Variants in PRPF3 observed in about 807,000 individuals in gnomAD.
PRPF3 encodes U4/U6 small nuclear ribonucleoprotein Prp3.
Under a neutral mutation model 89.2 loss-of-function variants are expected in PRPF3, and 3 were observed. The ratio of observed to expected loss-of-function variants is 0.03; its 90% CI spans 0.02 to 0.09. The LOEUF (loss-of-function observed/expected upper bound fraction) is 0.09, where lower values mean the gene tolerates loss of function less well. Among genes scored for constraint, PRPF3 ranks in the 10% least tolerant of loss-of-function variants. The pLI is 1.00. For missense variants in PRPF3, 463 were observed against 828.8 expected (o/e 0.56, Z 5.42); for synonymous variants, 270 against 289.1 (o/e 0.93, Z 0.67).
At chr1:150,328,820 T>C (rs587670229) in intron 4 of PRPF3, among the ~76,000 whole-genome samples, 45 of 152,034 alleles carry the variant, frequency 3.0e-4, no homozygotes, top group African/African-American at 1.0e-3. Flanking sequence ...CTCAGAGTGC[T>C]AGAATTACAG....
At chr1:150,334,618 G>T (rs587602114) in intron 6 of PRPF3, among the ~76,000 whole-genome samples, 1 of 151,722 alleles carries the variant, frequency 6.6e-6, no homozygotes, top group African/African-American at 2.4e-5. Context: ...CACCACACCC[G>T]TCCATCCAAA....
At chr1:150,330,190 G>A (rs1428960341) in intron 4 of PRPF3, 1 of 151,808 alleles carries the variant, frequency 6.6e-6, no homozygotes, top group East Asian at 1.9e-4. Context: ...AAGTAGCTGG[G>A]ACTACAGGTC....
intron 8 of PRPF3, among the ~76,000 whole-genome samples, chr1:150,338,803 C>G (rs782428069): frequency 6.6e-6 from 1 of 152,182 alleles, no homozygotes; most frequent in Non-Finnish European, 1.5e-5. Context: ...GCGTGAGCCA[C>G]TGCACCTGGC....
At chr1:150,344,575 C>G (rs782686775) in intron 12 of PRPF3, 28 bp downstream of exon 12, 2 of 1,609,562 alleles carry the variant, frequency 1.2e-6, no homozygotes, top group South Asian at 2.2e-5. Flanking sequence ...GCCAAACTTC[C>G]CCTTAGAATT....
rs782283182 is a variant in PRPF3, at chr1:150,332,782, T to G, written c.507+15T>G. 1 of 1,612,368 alleles carries G rather than the reference T, an allele frequency of 6.2e-7. No homozygotes were observed. Among genetic ancestry groups the G allele is most frequent in the South Asian group, 1.1e-5 (1 of 90,992 alleles). On this transcript the variant is annotated intron_variant, in intron 5 of 15. Transcript: ENST00000324862. ...CTACACCTCAGGTATTGTGTCTAGATTACTCTGAACAGAATAATCTTTGGC... is the reference window on the plus strand; with the variant it reads ...CTACACCTCAGGTATTGTGTCTAGAGTACTCTGAACAGAATAATCTTTGGC...
intron 13 of PRPF3, 106 bp from the exon 14 acceptor site, chr1:150,346,302 G>T (rs1186100361): frequency 2.3e-6 from 3 of 1,310,420 alleles, no homozygotes; most frequent in Non-Finnish European, 3.3e-6. Flanking sequence ...CCTAAGATGT[G>T]GTTCCTGAGA....
At chr1:150,328,269 T>G (rs1486618844) in intron 3 of PRPF3, 51 bp from the exon 4 acceptor site, 18 of 1,603,194 alleles carry the variant, frequency 1.1e-5, no homozygotes, top group Middle Eastern at 1.8e-4. Flanking sequence ...AATTCTTCCC[T>G]TCTCCCCACG....
chr1:150,345,594 C>T (rs1658200138), intron 12 of PRPF3: 2 of 235,682 alleles, frequency 8.5e-6, no homozygotes, highest in South Asian at 1.1e-4. Context: ...CGTGATCTGC[C>T]CACTTTGGCC....
At chr1:150,339,065 T>C (rs1159827963) in intron 8 of PRPF3, among the ~76,000 whole-genome samples, 1 of 152,008 alleles carries the variant, frequency 6.6e-6, no homozygotes, top group African/African-American at 2.4e-5. Flanking sequence ...GGTGAGATAA[T>C]AGTAAATATA....
chr1:150,324,473 T>C (rs1456963121), intron 1 of PRPF3, among the ~76,000 whole-genome samples: 2 of 152,096 alleles, frequency 1.3e-5, no homozygotes, highest in African/African-American at 2.4e-5. Flanking sequence ...TCAAATGAGT[T>C]GGAAAAACTT....
intron 15 of PRPF3, among the ~76,000 whole-genome samples, chr1:150,352,534 G>C (rs997035032): frequency 6.6e-6 from 1 of 152,130 alleles, no homozygotes; most frequent in Admixed American, 6.6e-5. Flanking sequence ...GCGTGGTAGC[G>C]GGCGCCTGTA....
chr1:150,325,129 A>T, intron 2 of PRPF3, 42 bp downstream of exon 2: 2 of 1,601,946 alleles, frequency 1.2e-6, no homozygotes, highest in African/African-American at 2.7e-5. Context: ...ATATAGGGTG[A>T]CCCCAAACAC....
At chr1:150,323,605 A>C (rs11584613) in intron 1 of PRPF3, among the ~76,000 whole-genome samples, 32,172 of 140,328 alleles carry the variant, frequency 0.23, 3,894 homozygotes, top group African/African-American at 0.32. Flanking sequence ...ACTGCACTCC[A>C]GCCTGGGCGA....
At chr1:150,325,921 T>A in intron 3 of PRPF3, 40 bp downstream of exon 3, 1 of 1,606,254 alleles carries the variant, frequency 6.2e-7, no homozygotes, top group African/African-American at 1.3e-5. Flanking sequence ...CAGGACTGTT[T>A]TGAATGGTAA....
At chr1:150,326,753 T>G (rs587596311) in intron 3 of PRPF3, among the ~76,000 whole-genome samples, 47 of 152,102 alleles carry the variant, frequency 3.1e-4, no homozygotes, top group African/African-American at 1.1e-3. Flanking sequence ...GAAGGAGAGA[T>G]AGTCCTTGCC....
chr1:150,338,131 C>G (rs1553868754), intron 7 of PRPF3, 29 bp from the exon 8 acceptor site: 1 of 1,606,246 alleles, frequency 6.2e-7, no homozygotes, highest in Non-Finnish European at 8.5e-7. Flanking sequence ...TCCAATTTAT[C>G]TTTCTGTCTT....
In PRPF3 at chr1:150,346,400, G is replaced by T. The variant is rs781971422; in HGVS notation, c.1760-8G>T. Reference sequence around the variant, plus strand: ...AGTTCTGGCAAAATTATTCTTCTCTGTTTCCAGGCCCCAAGGCCCAGAAGA... The same window carrying T: ...AGTTCTGGCAAAATTATTCTTCTCTTTTTCCAGGCCCCAAGGCCCAGAAGA... On this transcript the variant is annotated splice_polypyrimidine_tract_variant and splice_region_variant and intron_variant, in intron 13 of 15. Coordinates refer to ENST00000324862, the MANE Select transcript of PRPF3 (RefSeq NM_004698.4). 2.5e-6 allele frequency: 4 copies of T among 1,612,620 alleles called. No individual in the cohort carries two copies. The highest frequency in any genetic ancestry group is 3.4e-6 in the Non-Finnish European group (4 of 1,178,788).
intron 8 of PRPF3, among the ~76,000 whole-genome samples, chr1:150,339,246 G>A (rs1657398492): frequency 6.6e-6 from 1 of 150,960 alleles, no homozygotes; most frequent in Admixed American, 6.6e-5. Flanking sequence ...ATGGTGGCTT[G>A]TGCCTGTAGT....
At chr1:150,346,521 G>A in intron 14 of PRPF3, 30 bp downstream of exon 14, 1 of 1,576,990 alleles carries the variant, frequency 6.3e-7, no homozygotes, top group South Asian at 1.1e-5. Context: ...GATTAAGGGG[G>A]AGAGCTATGG....
Sources: allele counts gnomAD v4.1 joint callset (sites outside exome capture counted in the v4.1 genomes callset), GRCh38; gene constraint gnomAD v4.1.1; transcripts MANE v1.5; gene names NCBI Gene and HGNC (gene_info 2026-07-23, HGNC 2026-07-21).